The following THRB variants were observed in gnomAD, a reference collection of about 807,000 sequenced individuals.
The protein encoded by THRB is nuclear receptor subfamily 1 group A member 2.
In THRB, 12 loss-of-function variants were observed where a neutral mutation model predicts 47.8. The ratio of observed to expected loss-of-function variants is 0.25; its 90% confidence interval spans 0.16 to 0.41. THRB has a LOEUF of 0.41. Among genes scored for constraint, THRB ranks in the 10% least tolerant of loss-of-function variants. The pLI is 1.00. For synonymous variants in THRB, 218 were observed against 212.2 expected (o/e 1.03, Z -0.24); for missense variants, 348 against 589.2 (o/e 0.59, Z 4.24).
chr3:24,272,605 T>C (rs1173476645), intron 3 of THRB, among the ~76,000 whole-genome samples: 1 of 152,166 alleles, frequency 6.6e-6, no homozygotes, highest in Non-Finnish European at 1.5e-5. Flanking sequence ...TGGCAAGGAA[T>C]TTTTGCTCAT....
At chr3:24,133,283 A>G in intron 9 of THRB, 33 bp downstream of exon 9, 2 of 1,611,786 alleles carry the variant, frequency 1.2e-6, no homozygotes, top group Non-Finnish European at 1.7e-6. Flanking sequence ...ACTATAATTA[A>G]GAATAATGCA....
At chr3:24,267,651 T>G (rs2052801643) in intron 3 of THRB, among the ~76,000 whole-genome samples, 1 of 152,218 alleles carries the variant, frequency 6.6e-6, no homozygotes, top group African/African-American at 2.4e-5. Context: ...TCAGGTCATG[T>G]CTAACACTCT....
At chr3:24,241,625 C>A (rs1266489079) in intron 3 of THRB, among the ~76,000 whole-genome samples, 1 of 152,066 alleles carries the variant, frequency 6.6e-6, no homozygotes, top group Non-Finnish European at 1.5e-5. Context: ...GAGAACAGAT[C>A]CAAAAAGGGG....
chr3:24,391,804 T>C (rs1387443131), intron 1 of THRB, among the ~76,000 whole-genome samples: 1 of 152,190 alleles, frequency 6.6e-6, no homozygotes, highest in Non-Finnish European at 1.5e-5. Context: ...CATTATTGCT[T>C]GAGCACTTTC....
At chr3:24,169,771 C>G (rs1337196651) in intron 5 of THRB, among the ~76,000 whole-genome samples, 1 of 146,452 alleles carries the variant, frequency 6.8e-6, no homozygotes, top group African/African-American at 2.5e-5. Flanking sequence ...GGTCAGCAAT[C>G]TTCAGCCTGT....
At chr3:24,381,751 T>G (rs1649398850) in intron 1 of THRB, among the ~76,000 whole-genome samples, 1 of 152,038 alleles carries the variant, frequency 6.6e-6, no homozygotes, top group Admixed American at 6.6e-5. Context: ...TTGAGTCCTC[T>G]TCCCTACTCT....
chr3:24,226,848 T>C (rs2047704019), intron 4 of THRB, among the ~76,000 whole-genome samples: 1 of 152,218 alleles, frequency 6.6e-6, no homozygotes, highest in Admixed American at 6.5e-5. Flanking sequence ...TTACATATAG[T>C]CTATGGCTTT....
At chr3:24,427,366 G>A (rs749268324) in intron 1 of THRB, among the ~76,000 whole-genome samples, 6 of 151,970 alleles carry the variant, frequency 3.9e-5, no homozygotes, top group Non-Finnish European at 8.8e-5. Context: ...AAGCTTCTAA[G>A]TTCTGTGATT....
intron 1 of THRB, among the ~76,000 whole-genome samples, chr3:24,371,200 C>G (rs769396880): frequency 6.6e-6 from 1 of 151,876 alleles, no homozygotes; most frequent in African/African-American, 2.4e-5. Context: ...ACAAACTTAG[C>G]TTAAGATTAA....
At chr3:24,147,147 A>T (rs1190946088) in intron 6 of THRB, among the ~76,000 whole-genome samples, 1 of 152,112 alleles carries the variant, frequency 6.6e-6, no homozygotes, top group African/African-American at 2.4e-5. Flanking sequence ...ATACTGTTCT[A>T]TTTCATATAC....
At chr3:24,432,944 T>C (rs1458666694) in intron 1 of THRB, among the ~76,000 whole-genome samples, 1 of 152,062 alleles carries the variant, frequency 6.6e-6, no homozygotes, top group East Asian at 1.9e-4. Flanking sequence ...TGGTTTATAT[T>C]TTATAATTCA....
chr3:24,302,309 A>C (rs1293690585), intron 2 of THRB, among the ~76,000 whole-genome samples: 1 of 152,170 alleles, frequency 6.6e-6, no homozygotes, highest in Non-Finnish European at 1.5e-5. Context: ...GGTAAAAGAC[A>C]AGTTAGCCTC....
At chr3:24,368,786 C>T (rs1288920218) in intron 1 of THRB, among the ~76,000 whole-genome samples, 3 of 152,174 alleles carry the variant, frequency 2.0e-5, no homozygotes, top group Non-Finnish European at 4.4e-5. Context: ...AATGTCCAAG[C>T]ACTTCCTCTT....
At chr3:24,238,321 T>G in intron 3 of THRB, among the ~76,000 whole-genome samples, 1 of 137,722 alleles carries the variant, frequency 7.3e-6, no homozygotes, top group Admixed American at 7.7e-5. Context: ...GATGAACGGA[T>G]TGGAAACACA....
intron 3 of THRB, among the ~76,000 whole-genome samples, chr3:24,248,910 T>G (rs1455072019): frequency 6.6e-6 from 1 of 152,194 alleles, no homozygotes; most frequent in Non-Finnish European, 1.5e-5. Context: ...TCAGTGTTCC[T>G]TTTTGCTCTT....
chr3:24,256,815 G>A (rs1244736319), intron 3 of THRB, among the ~76,000 whole-genome samples: 1 of 152,136 alleles, frequency 6.6e-6, no homozygotes, highest in Non-Finnish European at 1.5e-5. Context: ...GATGTTAGAG[G>A]GTTATGGAAG....
chr3:24,237,217 G>A (rs2048965128), intron 3 of THRB, among the ~76,000 whole-genome samples: 1 of 152,190 alleles, frequency 6.6e-6, no homozygotes, highest in African/African-American at 2.4e-5. Flanking sequence ...CACTGGGTAT[G>A]GCAGGAGACT....
intron 4 of THRB, among the ~76,000 whole-genome samples, chr3:24,222,209 G>C (rs887445144): frequency 6.6e-6 from 1 of 152,168 alleles, no homozygotes; most frequent in African/African-American, 2.4e-5. Flanking sequence ...GGAAGCCATG[G>C]AGTGATTTTC....
intron 1 of THRB, among the ~76,000 whole-genome samples, chr3:24,444,261 TATA>T (rs1193800465): frequency 1.3e-5 from 2 of 152,178 alleles, no homozygotes; most frequent in Non-Finnish European, 2.9e-5. Context: ...TTGATTATAA[TATA>T]ATTGTTTATA....
Sources: gnomAD v4.1 joint callset for allele counts (sites outside exome capture counted in the v4.1 genomes callset) on GRCh38, gnomAD v4.1.1 for gene constraint, MANE v1.5 for transcripts, NCBI Gene and HGNC (gene_info 2026-07-23, HGNC 2026-07-21) for gene names.